Variants in CNTNAP4 observed in about 807,000 individuals in gnomAD.
The protein encoded by CNTNAP4 is contactin-associated protein-like 4.
Under a neutral mutation model 148.4 loss-of-function variants are expected in CNTNAP4, and 98 were observed. The ratio of observed to expected loss-of-function variants is 0.66; its 90% CI spans 0.56 to 0.78. The LOEUF is 0.78. Ranked by LOEUF, CNTNAP4 falls within the 30% of genes least tolerant of loss-of-function variation. The pLI is 0.00. For missense variants in CNTNAP4, 1,935 were observed against 1,565.6 expected, an observed-to-expected ratio of 1.24 and a Z score of -3.98; for synonymous variants, 730 against 565.1, an observed-to-expected ratio of 1.29 and a Z score of -4.14.
intron 3 of CNTNAP4, among the ~76,000 whole-genome samples, chr16:76,398,083 C>T (rs4602063): frequency 0.4 from 57,833 of 144,278 alleles, 12,044 homozygotes; most frequent in Middle Eastern, 0.51. Flanking sequence ...GCCCGAGTCC[C>T]AAAGCTGAAG....
At chr16:76,525,818 C>A (rs1383399402) in intron 17 of CNTNAP4, among the ~76,000 whole-genome samples, 1 of 146,574 alleles carries the variant, frequency 6.8e-6, no homozygotes, top group Non-Finnish European at 1.5e-5. Context: ...TTAAGCTAAA[C>A]TATATAGTTT....
chr16:76,533,023 A>G (rs1421106542), intron 17 of CNTNAP4, among the ~76,000 whole-genome samples: 2 of 152,212 alleles, frequency 1.3e-5, no homozygotes, highest in African/African-American at 2.4e-5. Flanking sequence ...TGTATTGAAA[A>G]GACAGCTGCA....
chr16:76,404,729 T>A (rs1450700631), intron 3 of CNTNAP4, among the ~76,000 whole-genome samples: 1 of 152,084 alleles, frequency 6.6e-6, no homozygotes, highest in African/African-American at 2.4e-5. Context: ...TAGTAAAGAT[T>A]TAATACAAAA....
chr16:76,347,428 TG>T (rs1965001312), intron 2 of CNTNAP4, among the ~76,000 whole-genome samples: 1 of 152,184 alleles, frequency 6.6e-6, no homozygotes, highest in South Asian at 2.1e-4. Flanking sequence ...TGAAGACCCC[TG>T]GTCTCATAGA....
At chr16:76,549,086 G>C (rs72801222) in intron 21 of CNTNAP4, among the ~76,000 whole-genome samples, 17,951 of 152,054 alleles carry the variant, frequency 0.12, 1,185 homozygotes, top group Non-Finnish European at 0.15. Context: ...ATCCTGGAGG[G>C]AACCAGTGAG....
At chr16:76,303,555 A>G (rs528549326) in intron 1 of CNTNAP4, among the ~76,000 whole-genome samples, 1 of 152,306 alleles carries the variant, frequency 6.6e-6, no homozygotes, top group East Asian at 1.9e-4. Context: ...CTGTGACTTC[A>G]TGGACATGTG....
chr16:76,303,459 C>T (rs1012064434), intron 1 of CNTNAP4, among the ~76,000 whole-genome samples: 1 of 152,162 alleles, frequency 6.6e-6, no homozygotes, highest in Non-Finnish European at 1.5e-5. Context: ...TCAATTTTCC[C>T]TCCAGGAATC....
chr16:76,465,199 A>T (rs902224888), intron 9 of CNTNAP4, among the ~76,000 whole-genome samples: 1 of 152,346 alleles, frequency 6.6e-6, no homozygotes, highest in African/African-American at 2.4e-5. Flanking sequence ...GGATCCATCC[A>T]TTAATTCAGC....
At chr16:76,511,647 T>G (rs1327092338) in intron 15 of CNTNAP4, among the ~76,000 whole-genome samples, 1 of 152,190 alleles carries the variant, frequency 6.6e-6, no homozygotes. Flanking sequence ...TATTTTACTT[T>G]ATCTTATTGG....
intron 3 of CNTNAP4, among the ~76,000 whole-genome samples, chr16:76,412,639 A>C (rs4300673): frequency 0.36 from 53,781 of 150,996 alleles, 11,026 homozygotes; most frequent in Non-Finnish European, 0.44. Flanking sequence ...AGATTAGCAA[A>C]TATTTCGTAG....
At chr16:76,518,618 C>T (rs1019379205) in intron 15 of CNTNAP4, among the ~76,000 whole-genome samples, 1 of 22,290 alleles carries the variant, frequency 4.5e-5, no homozygotes, top group East Asian at 6.6e-4. Context: ...CATAGAATTA[C>T]ATGCATAGAA....
At chr16:76,401,329 G>T (rs1417535047) in intron 3 of CNTNAP4, among the ~76,000 whole-genome samples, 1 of 152,002 alleles carries the variant, frequency 6.6e-6, no homozygotes. Flanking sequence ...TTCTGATTTG[G>T]CTCTTGGCTT....
chr16:76,324,902 C>A (rs551009595), intron 2 of CNTNAP4, among the ~76,000 whole-genome samples: 1 of 152,292 alleles, frequency 6.6e-6, no homozygotes, highest in East Asian at 1.9e-4. Flanking sequence ...TCTCCAAATG[C>A]CATCACACTG....
At chr16:76,363,281 G>T (rs1179602160) in intron 3 of CNTNAP4, among the ~76,000 whole-genome samples, 1 of 151,308 alleles carries the variant, frequency 6.6e-6, no homozygotes, top group Non-Finnish European at 1.5e-5. Flanking sequence ...TCCTGCCTCA[G>T]CCTCCTGAGT....
chr16:76,439,631 T>A (rs2079961601), intron 4 of CNTNAP4, among the ~76,000 whole-genome samples: 1 of 152,124 alleles, frequency 6.6e-6, no homozygotes, highest in Non-Finnish European at 1.5e-5. Flanking sequence ...TTGACAAAAA[T>A]TAAGTGAGAA....
chr16:76,295,867 GA>G (rs546801495), intron 1 of CNTNAP4, among the ~76,000 whole-genome samples: 2 of 152,084 alleles, frequency 1.3e-5, no homozygotes, highest in Non-Finnish European at 2.9e-5. Context: ...CCCCAGGCTG[GA>G]ATGTAGTGGT....
chr16:76,404,441 C>T (rs1341842832), intron 3 of CNTNAP4, among the ~76,000 whole-genome samples: 3 of 151,816 alleles, frequency 2.0e-5, no homozygotes, highest in Admixed American at 6.6e-5. Context: ...ATCACACACA[C>T]ACAGACACAC....
chr16:76,482,555 A>G (rs2143694325), intron 12 of CNTNAP4, among the ~76,000 whole-genome samples: 1 of 152,184 alleles, frequency 6.6e-6, no homozygotes, highest in Admixed American at 6.5e-5. Flanking sequence ...TAAAAACTGC[A>G]GGTGGTGGCA....
chr16:76,522,649 T>TC (rs2083512963), intron 17 of CNTNAP4, among the ~76,000 whole-genome samples: 1 of 88,806 alleles, frequency 1.1e-5, no homozygotes, highest in Non-Finnish European at 2.4e-5. Flanking sequence ...TTCTTTCTTT[T>TC]CTCTCTTTCT....
Sources: gnomAD v4.1 joint callset for allele counts (sites outside exome capture counted in the v4.1 genomes callset) on GRCh38, gnomAD v4.1.1 for gene constraint, MANE v1.5 for transcripts, NCBI Gene and HGNC (gene_info 2026-07-23, HGNC 2026-07-21) for gene names.